The following SLC16A10 variants were observed in gnomAD, a reference collection of about 807,000 sequenced individuals.
SLC16A10 encodes monocarboxylate transporter 10.
A neutral mutation model predicts 40.0 loss-of-function variants in SLC16A10; 27 were observed. The ratio of observed to expected loss-of-function variants is 0.67; its 90% confidence interval spans 0.50 to 0.93. SLC16A10 has a LOEUF of 0.93. Ranked by LOEUF, SLC16A10 falls within the 40% of genes least tolerant of loss-of-function variation. The pLI is 0.00. For missense variants in SLC16A10, 529 were observed against 658.2 expected, an observed-to-expected ratio of 0.80 and a Z score of 2.15; for synonymous variants, 213 against 249.8, an observed-to-expected ratio of 0.85 and a Z score of 1.39.
rs1770904906 is a variant in SLC16A10, at chr6:111,088,158, C to T, written c.343+63C>T. 2.6e-5 allele frequency: 39 copies of T among 1,509,486 alleles called. 1 individual carries two copies. The South Asian group carries it at 3.6e-4, about 14-fold the overall frequency. The allele number at this position is 1,509,486 out of a possible 1,614,324, so 93.5% of individuals were successfully genotyped here. A position where few individuals can be genotyped will look rare whatever the true frequency, so the allele number is the denominator to read the frequency against. ...CCGCGTGGGGCCCCCGAGCGCATCC[C>T]GCGTGTGGGCTGTGTCTGCCTCCGA... On this transcript the variant is annotated intron_variant, in intron 1 of 5. Transcript: ENST00000368851.
chr6:111,192,044 G>C (rs541017355), intron 3 of SLC16A10, among the ~76,000 whole-genome samples: 7 of 152,174 alleles, frequency 4.6e-5, no homozygotes, highest in African/African-American at 1.7e-4. Flanking sequence ...GTCAATTTTG[G>C]CTTTTGTTGC....
At chr6:111,183,252 C>T (rs1425287198) in intron 3 of SLC16A10, among the ~76,000 whole-genome samples, 1 of 152,198 alleles carries the variant, frequency 6.6e-6, no homozygotes, top group Non-Finnish European at 1.5e-5. Flanking sequence ...CTTCCTGCGT[C>T]CCTTTTCCCC....
Position 111,088,034 on chromosome 6 carries a change from C to T in SLC16A10, c.282C>T (p.Leu94=), listed in dbSNP as rs141109745. Residue 94 remains leucine (L), a synonymous_variant, in exon 1 of 6, where the codon CTC becomes CTT. Transcript: ENST00000368851. ...VFGIQNACGV[L]FVSMLETFGS... is the part of the protein sequence containing the mutation. ...GCATCCAGAACGCTTGCGGGGTGCT[C>T]TTCGTGTCCATGCTGGAAACCTTCG... 3.7e-6 allele frequency: 6 copies of T among 1,609,208 alleles called. No individual in the cohort carries two copies. In the African/African-American group the frequency reaches 5.4e-5, roughly 14 times the overall value.
chr6:111,191,003 G>GT (rs1314402044), intron 3 of SLC16A10, among the ~76,000 whole-genome samples: 3 of 152,002 alleles, frequency 2.0e-5, no homozygotes, highest in African/African-American at 7.2e-5. Flanking sequence ...CAGAAAATGG[G>GT]TTTTTCTTTT....
chr6:111,209,560 A>C (rs1773313004), intron 4 of SLC16A10, among the ~76,000 whole-genome samples: 1 of 152,122 alleles, frequency 6.6e-6, no homozygotes, highest in African/African-American at 2.4e-5. Flanking sequence ...AGGAAAGCCA[A>C]GTAGTGTTTA....
intron 4 of SLC16A10, among the ~76,000 whole-genome samples, chr6:111,216,356 T>C (rs1219739508): frequency 1.3e-5 from 2 of 152,160 alleles, no homozygotes; most frequent in African/African-American, 2.4e-5. Flanking sequence ...TTTGAAATGC[T>C]AGTGTGAAGT....
intron 4 of SLC16A10, among the ~76,000 whole-genome samples, chr6:111,216,398 A>ATTCTT (rs529634213): frequency 4.0e-5 from 6 of 151,744 alleles, no homozygotes; most frequent in Admixed American, 2.0e-4. Context: ...CCCAACTCGT[A>ATTCTT]TTCTTTTCTT....
intron 1 of SLC16A10, among the ~76,000 whole-genome samples, chr6:111,121,695 G>GT (rs941343458): frequency 1.3e-5 from 2 of 151,846 alleles, no homozygotes; most frequent in Non-Finnish European, 2.9e-5. Context: ...TTTTCCTTTG[G>GT]TTTTTTTTCC....
At chr6:111,120,095 G>T (rs1441454759) in intron 1 of SLC16A10, among the ~76,000 whole-genome samples, 1 of 152,194 alleles carries the variant, frequency 6.6e-6, no homozygotes, top group Non-Finnish European at 1.5e-5. Context: ...TCCCAAAAAA[G>T]AGATTTGCGT....
At chr6:111,175,698 G>A (rs1372968370) in intron 2 of SLC16A10, among the ~76,000 whole-genome samples, 1 of 142,260 alleles carries the variant, frequency 7.0e-6, no homozygotes, top group Non-Finnish European at 1.6e-5. Context: ...CTTGAAGGCA[G>A]AACCACATTT....
At position 111,177,574 on chromosome 6, in the gene SLC16A10, A is replaced by G. The variant is rs1214408898; in HGVS notation, c.851A>G (p.Asn284Ser). 1.9e-6 allele frequency: 3 copies of G among 1,612,096 alleles called. No homozygotes were observed. Among genetic ancestry groups the G allele is most frequent in the Non-Finnish European group, 2.5e-6 (3 of 1,179,290 alleles). Reference protein sequence around the residue: ...KKFSPPKKIFNFAIFKVTAYA... With the variant: ...KKFSPPKKIFSFAIFKVTAYA... ...TTCAGTCCTCCAAAAAAAATTTTCA[A>G]TTTTGCCATCTTCAAGGTGACAGCT... The change falls in exon 3 of 6, where the codon AAT (asparagine) becomes AGT (serine). Residue 284 changes from asparagine (N) to serine (S), a missense_variant. Asn to Ser is a conservative substitution (Grantham distance 46). Transcript: ENST00000368851.
chr6:111,150,107 G>A (rs1427118293), intron 1 of SLC16A10, among the ~76,000 whole-genome samples: 1 of 152,184 alleles, frequency 6.6e-6, no homozygotes, highest in Non-Finnish European at 1.5e-5. Context: ...GTTAAGAAGT[G>A]GGACCTTTCA....
intron 1 of SLC16A10, among the ~76,000 whole-genome samples, chr6:111,125,513 C>A (rs1583316080): frequency 6.6e-6 from 1 of 152,148 alleles, no homozygotes; most frequent in Non-Finnish European, 1.5e-5. Flanking sequence ...AAAAACTGTT[C>A]TATCCACATC....
intron 3 of SLC16A10, among the ~76,000 whole-genome samples, chr6:111,199,229 G>A (rs888902073): frequency 1.3e-5 from 2 of 152,176 alleles, no homozygotes; most frequent in African/African-American, 4.8e-5. Context: ...GGAGGCTGAG[G>A]TGGGCAGATC....
intron 1 of SLC16A10, among the ~76,000 whole-genome samples, chr6:111,132,661 A>G (rs777338018): frequency 1.8e-4 from 27 of 152,272 alleles, no homozygotes; most frequent in Non-Finnish European, 3.7e-4. Context: ...TTCTGTTAGA[A>G]TAAAGGTAAC....
intron 1 of SLC16A10, among the ~76,000 whole-genome samples, chr6:111,099,554 A>G (rs1323218131): frequency 2.6e-5 from 4 of 151,946 alleles, no homozygotes; most frequent in East Asian, 3.9e-4. Context: ...GGCTCAAGCA[A>G]TCCTCCTGCC....
chr6:111,131,537 G>T (rs1444869265), intron 1 of SLC16A10, among the ~76,000 whole-genome samples: 1 of 152,170 alleles, frequency 6.6e-6, no homozygotes, highest in Non-Finnish European at 1.5e-5. Context: ...ACTTTTGCTT[G>T]CTGTTCTGCC....
At chr6:111,090,696 A>T (rs562374829) in intron 1 of SLC16A10, among the ~76,000 whole-genome samples, 44 of 152,186 alleles carry the variant, frequency 2.9e-4, no homozygotes, top group Non-Finnish European at 5.9e-4. Context: ...GTTATTTGAG[A>T]ATATCTGCTT....
rs531084635 is a variant in SLC16A10, at chr6:111,177,531, C to G, written c.808C>G (p.Leu270Val). 6.2e-7 allele frequency: 1 copy of G among 1,613,514 alleles called. No individual in the cohort carries two copies. The highest frequency in any genetic ancestry group is 8.5e-7 in the Non-Finnish European group (1 of 1,179,904). Residue 270 changes from leucine to valine, a missense_variant, in exon 3 of 6, where the codon CTC becomes GTC. By Grantham distance (32) the Leu-to-Val change is conservative. Coordinates refer to ENST00000368851, the MANE Select transcript of SLC16A10 (RefSeq NM_018593.5). ...AGAGAGTGGAGGTAGCGGATCCTCCCTCTTTTCCAGGAAAAAGTTCAGTCC... is the reference window on the plus strand; with the variant it reads ...AGAGAGTGGAGGTAGCGGATCCTCCGTCTTTTCCAGGAAAAAGTTCAGTCC... ...DKESGGSGSSLFSRKKFSPPK... is the reference protein window; with the variant it reads ...DKESGGSGSSVFSRKKFSPPK...
Sources: gnomAD v4.1 joint callset for allele counts (sites outside exome capture counted in the v4.1 genomes callset) on GRCh38, gnomAD v4.1.1 for gene constraint, MANE v1.5 for transcripts, NCBI Gene and HGNC (gene_info 2026-07-23, HGNC 2026-07-21) for gene names.